Variants in CYP19A1 observed in about 807,000 individuals in gnomAD.
CYP19A1 encodes aromatase.
In CYP19A1, 32 loss-of-function variants were observed where a neutral mutation model predicts 44.4. The ratio of observed to expected loss-of-function variants is 0.72; its 90% CI spans 0.54 to 0.97. The LOEUF (loss-of-function observed/expected upper bound fraction) is 0.97. CYP19A1 is among the 50% of genes least tolerant of loss of function. The pLI is 0.00. For missense variants in CYP19A1, 598 were observed against 637.8 expected (o/e 0.94, Z 0.67); for synonymous variants, 212 against 215.6 (o/e 0.98, Z 0.14).
intron 3 of CYP19A1, among the ~76,000 whole-genome samples, chr15:51,233,621 G>C (rs2033188393): frequency 6.6e-6 from 1 of 152,166 alleles, no homozygotes; most frequent in South Asian, 2.1e-4. Context: ...TGTAAATGAT[G>C]TGTAAATTTG....
At chr15:51,315,762 T>A (rs1047719024) in intron 1 of CYP19A1, 3 of 152,172 alleles carry the variant, frequency 2.0e-5, no homozygotes, top group African/African-American at 7.2e-5. Context: ...GGAAAGGAAG[T>A]GATTGTTTGC....
intron 1 of CYP19A1, chr15:51,318,519 A>T (rs1309674399): frequency 6.6e-6 from 1 of 152,254 alleles, no homozygotes; most frequent in Admixed American, 6.5e-5. Flanking sequence ...CCAGTTTCCC[A>T]TCACATCACT....
intron 3 of CYP19A1, among the ~76,000 whole-genome samples, chr15:51,233,004 A>C (rs775802178): frequency 6.6e-6 from 1 of 152,190 alleles, no homozygotes; most frequent in Non-Finnish European, 1.5e-5. Context: ...TCTTCCACTC[A>C]GGTTCTTGCC....
rs2031445857 is a variant in CYP19A1, at chr15:51,215,184, T to C, written c.907A>G (p.Met303Val). 1 of 1,613,980 alleles carries C rather than the reference T, an allele frequency of 6.2e-7. No homozygotes were observed. The highest frequency in any genetic ancestry group is 8.5e-7 in the Non-Finnish European group (1 of 1,180,002). The change falls in exon 8 of 10, where the codon ATG (methionine) becomes GTG (valine). Residue 303 changes from methionine (M) to valine (V), a missense_variant. Met to Val is a conservative substitution (Grantham distance 21, BLOSUM62 1). Transcript: ENST00000396402. ...ATGGTGTCAGGAGCTGCGATCAGCA[T>C]TTCCAATATGCACTGGTTCACATTC... ...RENVNQCILE[M>V]LIAAPDTMSV...
chr15:51,335,464 C>T (rs1020491465), intron 1 of CYP19A1, among the ~76,000 whole-genome samples: 5 of 152,208 alleles, frequency 3.3e-5, no homozygotes, highest in Admixed American at 6.5e-5. Context: ...AAAATGCTAA[C>T]AACACACTGT....
intron 1 of CYP19A1, among the ~76,000 whole-genome samples, chr15:51,250,057 C>T (rs1207480575): frequency 6.6e-6 from 1 of 152,214 alleles, no homozygotes; most frequent in African/African-American, 2.4e-5. Context: ...GCCTTGTCCA[C>T]CCTATAGTTC....
At chr15:51,235,922 A>G (rs2033365536) in intron 3 of CYP19A1, among the ~76,000 whole-genome samples, 1 of 152,260 alleles carries the variant, frequency 6.6e-6, no homozygotes, top group African/African-American at 2.4e-5. Context: ...AGCTTTGCTA[A>G]AAGTCTACTA....
intron 1 of CYP19A1, chr15:51,279,826 C>A (rs1480285032): frequency 6.6e-6 from 1 of 152,226 alleles, no homozygotes; most frequent in Non-Finnish European, 1.5e-5. Context: ...AAAGAGGAGG[C>A]TGAAAGAGAA....
intron 6 of CYP19A1, among the ~76,000 whole-genome samples, chr15:51,217,670 A>G (rs1253000686): frequency 6.6e-6 from 1 of 152,214 alleles, no homozygotes; most frequent in Non-Finnish European, 1.5e-5. Context: ...TGAGGAAGAT[A>G]TGAACACAGG....
At chr15:51,245,881 T>G (rs2034031493) in intron 1 of CYP19A1, among the ~76,000 whole-genome samples, 1 of 152,224 alleles carries the variant, frequency 6.6e-6, no homozygotes, top group Admixed American at 6.5e-5. Flanking sequence ...ACCCAGCTCA[T>G]ATGTGACAGA....
intron 1 of CYP19A1, chr15:51,293,737 T>C (rs1595764215): frequency 6.2e-6 from 1 of 160,836 alleles, no homozygotes; most frequent in East Asian, 1.9e-4. Flanking sequence ...TCGTACTTTT[T>C]TGGTGGAGAC....
intron 1 of CYP19A1, among the ~76,000 whole-genome samples, chr15:51,334,069 C>A (rs2036741491): frequency 6.6e-6 from 1 of 152,200 alleles, no homozygotes; most frequent in Admixed American, 6.5e-5. Context: ...GACTAGCTTA[C>A]ACATTCTAGC....
chr15:51,219,647 A>G, intron 5 of CYP19A1, among the ~76,000 whole-genome samples: 1 of 152,144 alleles, frequency 6.6e-6, no homozygotes, highest in East Asian at 1.9e-4. Context: ...TGGGTCCCTT[A>G]GGCAAATTGA....
intron 1 of CYP19A1, among the ~76,000 whole-genome samples, chr15:51,284,186 C>T (rs80303587): frequency 0.033 from 4,988 of 152,264 alleles, 115 homozygotes; most frequent in Non-Finnish European, 0.045. Context: ...AAAGAACAGG[C>T]GACTTTGGTA....
At chr15:51,331,431 G>A (rs551019858) in intron 1 of CYP19A1, among the ~76,000 whole-genome samples, 3 of 152,252 alleles carry the variant, frequency 2.0e-5, no homozygotes, top group South Asian at 2.1e-4. Flanking sequence ...AAGGAGAAGC[G>A]GAAAGAGGAC....
chr15:51,259,590 T>C (rs1208712172), intron 1 of CYP19A1, among the ~76,000 whole-genome samples: 2 of 152,192 alleles, frequency 1.3e-5, no homozygotes, highest in Non-Finnish European at 2.9e-5. Context: ...CATAGTCTTA[T>C]CAGGGCTGAA....
Position 51,227,859 on chromosome 15 carries a change from C to A in CYP19A1, c.371G>T (p.Cys124Phe). 1 of 1,531,616 alleles carries A rather than the reference C, an allele frequency of 6.5e-7. No individual in the cohort carries two copies. The highest frequency in any genetic ancestry group is 1.1e-5 in the South Asian group (1 of 89,430). 94.9% of individuals were successfully genotyped at this position (1,531,616 alleles called of 1,614,324 possible). Residue 124 changes from cysteine (C) to phenylalanine (F), a missense_variant, in exon 4 of 10, where the codon TGC (cysteine) becomes TTC (phenylalanine). Physicochemically the swap from Cys to Phe is radical, Grantham distance 205. Coordinates refer to ENST00000396402, the MANE Select transcript of CYP19A1 (RefSeq NM_000103.4). ...SRFGSKLGLQ[C>F]IGMHEKGIIF... Reference sequence around the variant, plus strand: ...GATGCCTTTCTCATGCATACCGATGCACTGCAGCCCAAGTTTGCTGCCGAA... The same window carrying A: ...GATGCCTTTCTCATGCATACCGATGAACTGCAGCCCAAGTTTGCTGCCGAA...
chr15:51,279,540 G>T (rs1025906583), intron 1 of CYP19A1, among the ~76,000 whole-genome samples: 4 of 152,150 alleles, frequency 2.6e-5, no homozygotes, highest in Non-Finnish European at 5.9e-5. Flanking sequence ...TGTGGCTAAG[G>T]CTCAGAAGAA....
chr15:51,332,408 T>C (rs2036715949), intron 1 of CYP19A1, among the ~76,000 whole-genome samples: 1 of 152,258 alleles, frequency 6.6e-6, no homozygotes, highest in Non-Finnish European at 1.5e-5. Context: ...CTTTCTCCTT[T>C]AGAACTTTTT....
Sources: gnomAD v4.1 joint callset for allele counts (sites outside exome capture counted in the v4.1 genomes callset) on GRCh38, gnomAD v4.1.1 for gene constraint, MANE v1.5 for transcripts, NCBI Gene and HGNC (gene_info 2026-07-23, HGNC 2026-07-21) for gene names.